The following ACTN1 variants were observed in gnomAD, a reference collection of about 807,000 sequenced individuals.
The protein encoded by ACTN1 is alpha-actinin-1.
ACTN1 carries 30 observed loss-of-function variants against 119.6 expected under a neutral mutation model. That is an observed-to-expected ratio of 0.25 (90% CI 0.19 to 0.34). The LOEUF (loss-of-function observed/expected upper bound fraction) is 0.34, where lower values mean the gene tolerates loss of function less well. Ranked by LOEUF, ACTN1 falls within the 10% of genes least tolerant of loss-of-function variation. ACTN1 has a pLI of 1.00. For synonymous variants in ACTN1, 429 were observed against 472.6 expected, an observed-to-expected ratio of 0.91 and a Z score of 1.20; for missense variants, 764 against 1,223.4, an observed-to-expected ratio of 0.62 and a Z score of 5.60.
At position 68,909,220 on chromosome 14, in the gene ACTN1, G is replaced by T; in HGVS notation, c.594+98C>A. 1 of 1,237,228 alleles carries T rather than the reference G, an allele frequency of 8.1e-7. No homozygotes were observed. Among genetic ancestry groups the T allele is most frequent in the Non-Finnish European group, 1.2e-6 (1 of 849,778 alleles). 76.6% of individuals were successfully genotyped at this position (1,237,228 alleles called of 1,614,324 possible). Reference sequence around the variant, plus strand: ...ATTCTAAGAGGCCAACACTGCTCAGGCTGGACCATGGACTGTCACAACAAG... The same window carrying T: ...ATTCTAAGAGGCCAACACTGCTCAGTCTGGACCATGGACTGTCACAACAAG... On this transcript the variant is annotated intron_variant, in intron 6 of 21. Transcript: ENST00000394419. This position sits in a 1 kb window ranked among gnomAD's most constrained non-coding sequence, Gnocchi z 4.1.
In ACTN1 at chr14:68,882,611, G is replaced by A. The variant is rs1444644800; in HGVS notation, c.1819-19C>T. On this transcript the variant is annotated intron_variant, in intron 15 of 21. Coordinates refer to ENST00000394419, the MANE Select transcript of ACTN1 (RefSeq NM_001130004.2). This position sits in a 1 kb window ranked among gnomAD's most constrained non-coding sequence, Gnocchi z 4.5. ...GCCGCACCTGGGGCAGGAACAACAA[G>A]GCGACTTTCAGGATGGGTCAGCCAT... 4 of 1,613,602 alleles carry A rather than the reference G, an allele frequency of 2.5e-6. No homozygotes were observed. Among genetic ancestry groups the A allele is most frequent in the Non-Finnish European group, 3.4e-6 (4 of 1,179,746 alleles).
intron 4 of ACTN1, among the ~76,000 whole-genome samples, chr14:68,911,820 C>A (rs1282474017): frequency 1.3e-5 from 2 of 152,190 alleles, no homozygotes; most frequent in East Asian, 3.9e-4. Context: ...GTTAGCGCCC[C>A]TCCTGGTCCT....
chr14:68,884,657 G>A, intron 13 of ACTN1, 118 bp downstream of exon 13: 1 of 873,826 alleles, frequency 1.1e-6, no homozygotes, highest in Non-Finnish European at 1.8e-6. Context: ...GCCAGGGTTG[G>A]GGGAGGTCTG....
At chr14:68,884,677 TAG>T in intron 13 of ACTN1, 96 bp downstream of exon 13, 2 of 1,058,278 alleles carry the variant, frequency 1.9e-6, no homozygotes, top group Non-Finnish European at 2.9e-6. Flanking sequence ...GGGGAAGCCA[TAG>T]AGTCTTTTAG....
Position 68,909,864 on chromosome 14 carries a change from TA to T in ACTN1, c.515+90del. 9.0e-7 allele frequency: 1 copy of T among 1,113,616 alleles called. No individual in the cohort carries two copies. Among genetic ancestry groups the T allele is most frequent in the Non-Finnish European group, 1.3e-6 (1 of 750,828 alleles). The allele number at this position is 1,113,616 out of a possible 1,614,324, so 69.0% of individuals were successfully genotyped here. On this transcript the variant is annotated intron_variant, in intron 5 of 21. Transcript: ENST00000394419. The surrounding 1 kb of genome is among the most constrained non-coding windows in gnomAD (Gnocchi z 4.1). ...TCCCCCAGAGGTCTCCACTTTGTTCTAAAGCTGAGACTGACCCAGCCAAGGG... is the reference window on the plus strand; with the variant it reads ...TCCCCCAGAGGTCTCCACTTTGTTCTAAGCTGAGACTGACCCAGCCAAGGG...
intron 1 of ACTN1, among the ~76,000 whole-genome samples, chr14:68,938,791 C>A (rs975904466): frequency 6.6e-6 from 1 of 152,218 alleles, no homozygotes; most frequent in Non-Finnish European, 1.5e-5. Context: ...CACTTCCCAT[C>A]CACTGTCTAT....
chr14:68,911,759 A>G (rs993774999), intron 4 of ACTN1, among the ~76,000 whole-genome samples: 1 of 152,200 alleles, frequency 6.6e-6, no homozygotes, highest in Non-Finnish European at 1.5e-5. Flanking sequence ...GCCCTTGCAG[A>G]TCTGTGAAAT....
chr14:68,880,073 G>A lies in ACTN1; in HGVS notation c.2169C>T (p.Thr723=). ...CTACCTCATTGATGGTCCTGGCGATGGTGGTGAGCAGCTGCTCCCAGCCCA... is the reference window on the plus strand; with the variant it reads ...CTACCTCATTGATGGTCCTGGCGATAGTGGTGAGCAGCTGCTCCCAGCCCA... The part of the protein sequence containing the change: ...IRVGWEQLLT[T]IARTINEVEN... Residue 723 remains threonine (T), a synonymous_variant, in exon 18 of 22, where the codon ACC becomes ACT. Transcript: ENST00000394419. The surrounding 1 kb of genome is among the most constrained non-coding windows in gnomAD (Gnocchi z 4.6). The A allele has an allele frequency of 1.2e-6, 2 of 1,614,194 alleles. No homozygotes were observed. The highest frequency in any genetic ancestry group is 1.1e-5 in the South Asian group (1 of 91,086).
Position 68,912,171 on chromosome 14 carries a change from C to T in ACTN1, c.412G>A (p.Asp138Asn). 6.2e-7 allele frequency: 1 copy of T among 1,614,102 alleles called. No individual in the cohort carries two copies. Among genetic ancestry groups the T allele is most frequent in the Non-Finnish European group, 8.5e-7 (1 of 1,180,002 alleles). ...WTIILRFAIQ[D>N]ISVEETSAKE... ...AGAAACCCACCTTCCACGGAGATGT[C>T]CTGGATGGCAAAGCGCAGGATGATG... Residue 138 changes from aspartate (D) to asparagine (N), a missense_variant, in exon 4 of 22, where the codon GAC becomes AAC. Asp to Asn is a conservative substitution (Grantham distance 23). This residue lies in a region of ACTN1 where 54 missense variants were observed against 153.2 expected (regional missense o/e 0.35). Coordinates refer to ENST00000394419, the MANE Select transcript of ACTN1 (RefSeq NM_001130004.2).
chr14:68,877,769 T>C (rs1477659617), intron 20 of ACTN1: 2 of 157,266 alleles, frequency 1.3e-5, no homozygotes, highest in Non-Finnish European at 2.8e-5. Context: ...ACATGCCAGA[T>C]ACATGCACAC....
intron 14 of ACTN1, 40 bp downstream of exon 14, chr14:68,884,125 GCCC>G: frequency 6.3e-7 from 1 of 1,583,230 alleles, no homozygotes; most frequent in Non-Finnish European, 8.6e-7. Context: ...TGGGCCAGGG[GCCC>G]CAGGGGAGCC....
At chr14:68,948,434 C>T (rs571083883) in intron 1 of ACTN1, among the ~76,000 whole-genome samples, 12 of 152,162 alleles carry the variant, frequency 7.9e-5, no homozygotes, top group Non-Finnish European at 1.5e-4. Flanking sequence ...AAAAATTAGC[C>T]GGGCATGGTG....
At chr14:68,901,633 ATGT>A (rs1213030076) in intron 8 of ACTN1, among the ~76,000 whole-genome samples, 4 of 152,276 alleles carry the variant, frequency 2.6e-5, no homozygotes, top group African/African-American at 9.6e-5. Flanking sequence ...GGTCATGGTG[ATGT>A]TGTGCTTCTT....
chr14:68,892,022 C>T (rs1356216231), intron 10 of ACTN1, 31 bp downstream of exon 10: 4 of 1,609,208 alleles, frequency 2.5e-6, no homozygotes, highest in Middle Eastern at 2.0e-4. Context: ...GCAGTCCAGT[C>T]TGGGGGCCCA....
Position 68,878,262 on chromosome 14 carries a change from C to T in ACTN1, c.2427+196G>A, listed in dbSNP as rs1335845610. 7.4e-6 allele frequency: 5 copies of T among 680,158 alleles called. No individual in the cohort carries two copies. Among genetic ancestry groups the T allele is most frequent in the Admixed American group, 3.3e-5 (1 of 30,476 alleles). 42.1% of individuals were successfully genotyped at this position (680,158 alleles called of 1,614,324 possible). A position where few individuals can be genotyped will look rare whatever the true frequency, so the allele number is the denominator to read the frequency against. ...AGAGATTGAGGCGAGGAGGTCAGGCCTCCCGGATACACACACGCCCGTGGC... is the reference window on the plus strand; with the variant it reads ...AGAGATTGAGGCGAGGAGGTCAGGCTTCCCGGATACACACACGCCCGTGGC... On this transcript the variant is annotated intron_variant, in intron 20 of 21. Coordinates refer to ENST00000394419, the MANE Select transcript of ACTN1 (RefSeq NM_001130004.2). The surrounding 1 kb of genome is among the most constrained non-coding windows in gnomAD (Gnocchi z 4.4).
chr14:68,943,507 G>A (rs926846363), intron 1 of ACTN1, among the ~76,000 whole-genome samples: 1 of 152,146 alleles, frequency 6.6e-6, no homozygotes, highest in Non-Finnish European at 1.5e-5. Flanking sequence ...GGGCAGCCCT[G>A]GGGTGCTTTC....
At chr14:68,910,578 G>T (rs190314056) in intron 4 of ACTN1, among the ~76,000 whole-genome samples, 4 of 152,202 alleles carry the variant, frequency 2.6e-5, no homozygotes, top group Admixed American at 6.5e-5. Flanking sequence ...AAGCAGCCAC[G>T]TGTCTATGAG....
Position 68,878,597 on chromosome 14 carries a change from G to T in ACTN1, c.2362-74C>A. ...AAGAGGAAGGGCCGGCCCGGGGCCA[G>T]GAAGACAGGAACAGATGGCCAGAAC... On this transcript the variant is annotated intron_variant, in intron 19 of 21. Coordinates refer to ENST00000394419, the MANE Select transcript of ACTN1 (RefSeq NM_001130004.2). This position sits in a 1 kb window ranked among gnomAD's most constrained non-coding sequence, Gnocchi z 4.4. 1 of 1,599,044 alleles carries T rather than the reference G, an allele frequency of 6.3e-7. No individual in the cohort carries two copies. Among genetic ancestry groups the T allele is most frequent in the Non-Finnish European group, 8.5e-7 (1 of 1,172,774 alleles).
chr14:68,878,748 C>A lies in ACTN1; in HGVS notation c.2362-225G>T. On this transcript the variant is annotated intron_variant, in intron 19 of 21. Coordinates refer to ENST00000394419, the MANE Select transcript of ACTN1 (RefSeq NM_001130004.2). The surrounding 1 kb of genome is among the most constrained non-coding windows in gnomAD (Gnocchi z 4.4). ...AGAGCAGGGAGATGCAAAAATCCAC[C>A]CATGGGATGAAGAGCAGCGAGGACG... 1 of 1,540,758 alleles carries A rather than the reference C, an allele frequency of 6.5e-7. No homozygotes were observed. The highest frequency in any genetic ancestry group is 8.7e-7 in the Non-Finnish European group (1 of 1,149,726).
Sources: allele counts gnomAD v4.1 joint callset (sites outside exome capture counted in the v4.1 genomes callset), GRCh38; gene constraint gnomAD v4.1.1; regional missense constraint gnomAD v4.1.1; non-coding constraint Gnocchi (gnomAD v3.1); transcripts MANE v1.5; gene names NCBI Gene and HGNC (gene_info 2026-07-23, HGNC 2026-07-21).